The following GLIS3 variants were observed in gnomAD, a reference collection of about 807,000 sequenced individuals.
The protein encoded by GLIS3 is GLIS family zinc finger 3.
In GLIS3, 53 loss-of-function variants were observed where a neutral mutation model predicts 78.6. The observed-to-expected ratio is 0.67, with a 90% CI of 0.54 to 0.85. GLIS3 has a LOEUF of 0.85. Among genes scored for constraint, GLIS3 ranks in the 40% least tolerant of loss-of-function variants. The pLI, the probability that GLIS3 is intolerant of heterozygous loss-of-function variation, is 0.00. For synonymous variants in GLIS3, 684 were observed against 509.9 expected, an observed-to-expected ratio of 1.34 and a Z score of -4.60; for missense variants, 1,703 against 1,231.1, an observed-to-expected ratio of 1.38 and a Z score of -5.74.
chr9:3,881,093 G>A (rs1821698896), intron 7 of GLIS3, among the ~76,000 whole-genome samples: 1 of 152,128 alleles, frequency 6.6e-6, no homozygotes, highest in Non-Finnish European at 1.5e-5. Flanking sequence ...CTAGCTCAGG[G>A]AACCACAATT....
chr9:4,391,762 G>A, the GLIS3 span, among the ~76,000 whole-genome samples: 76 of 152,234 alleles, frequency 5.0e-4, no homozygotes, highest in African/African-American at 1.8e-3. Context: ...CCAGTACCTG[G>A]TACTGTTAAT....
intron 2 of GLIS3, among the ~76,000 whole-genome samples, chr9:4,255,560 C>T (rs765530991): frequency 4.6e-5 from 7 of 152,118 alleles, no homozygotes; most frequent in African/African-American, 1.2e-4. Flanking sequence ...CAAGCCATGA[C>T]AAGATATGTA....
chr9:4,378,119 A>C, the GLIS3 span, among the ~76,000 whole-genome samples: 1 of 152,174 alleles, frequency 6.6e-6, no homozygotes, highest in Non-Finnish European at 1.5e-5. Flanking sequence ...AGTAATATAC[A>C]AATGCTAATT....
chr9:4,259,638 G>A (rs1158462839), intron 2 of GLIS3, among the ~76,000 whole-genome samples: 1 of 152,112 alleles, frequency 6.6e-6, no homozygotes, highest in African/African-American at 2.4e-5. Flanking sequence ...TGCTTGCAAT[G>A]GTGTTATGCA....
At chr9:3,930,160 C>G (rs773036820) in intron 6 of GLIS3, among the ~76,000 whole-genome samples, 12 of 152,194 alleles carry the variant, frequency 7.9e-5, no homozygotes, top group Non-Finnish European at 1.6e-4. Context: ...TTTTTAAAAT[C>G]TTTGGATAAA....
Position 3,826,211 on chromosome 9 carries a change from G to A in GLIS3, c.*2061C>T, listed in dbSNP as rs1817717582. On this transcript the variant is annotated 3_prime_UTR_variant, in exon 11 of 11. Coordinates refer to ENST00000381971, the MANE Select transcript of GLIS3 (RefSeq NM_001042413.2). Reference sequence around the variant, plus strand: ...GTACAAATGAAATGAAATGTATTTTGAGTTCCTTGTAAAGGCTTCCATATT... The same window carrying A: ...GTACAAATGAAATGAAATGTATTTTAAGTTCCTTGTAAAGGCTTCCATATT... The A allele has an allele frequency of 6.6e-6, 1 of 152,098 alleles. No individual in the cohort carries two copies. Among genetic ancestry groups the A allele is most frequent in the African/African-American group, 2.4e-5 (1 of 41,406 alleles). The allele number at this position is 152,098 out of a possible 1,614,324, so 9.4% of individuals were successfully genotyped here.
chr9:3,864,852 G>A (rs1205290233), intron 8 of GLIS3, among the ~76,000 whole-genome samples: 8 of 152,198 alleles, frequency 5.3e-5, no homozygotes, highest in African/African-American at 1.2e-4. Flanking sequence ...CTACTGTTGC[G>A]TATCTCCAGC....
intron 2 of GLIS3, among the ~76,000 whole-genome samples, chr9:4,327,279 G>T (rs1018221653): frequency 1.3e-5 from 2 of 152,186 alleles, no homozygotes; most frequent in African/African-American, 4.8e-5. Flanking sequence ...ATGGCCAGAG[G>T]ACAGATGTCA....
At chr9:4,121,115 T>C (rs552959634) in intron 3 of GLIS3, among the ~76,000 whole-genome samples, 3 of 152,372 alleles carry the variant, frequency 2.0e-5, no homozygotes, top group South Asian at 4.1e-4. Flanking sequence ...CTCTCTTCTA[T>C]CTCAAACACC....
the GLIS3 span, among the ~76,000 whole-genome samples, chr9:4,453,357 A>AG: frequency 1.2e-4 from 17 of 146,708 alleles, no homozygotes; most frequent in Non-Finnish European, 1.9e-4. Flanking sequence ...AAAAAAAAAA[A>AG]AAAAAAAGAA....
chr9:4,404,987 GA>G, the GLIS3 span, among the ~76,000 whole-genome samples: 1 of 151,868 alleles, frequency 6.6e-6, no homozygotes, highest in African/African-American at 2.4e-5. Flanking sequence ...GAGTAACTAG[GA>G]AAAAAAGAGG....
At chr9:3,915,282 T>C (rs1393257985) in intron 6 of GLIS3, among the ~76,000 whole-genome samples, 1 of 152,004 alleles carries the variant, frequency 6.6e-6, no homozygotes, top group Non-Finnish European at 1.5e-5. Context: ...CAATCCCCTC[T>C]CAAAAAAACA....
At chr9:4,249,158 C>A (rs1824106682) in intron 2 of GLIS3, among the ~76,000 whole-genome samples, 1 of 152,018 alleles carries the variant, frequency 6.6e-6, no homozygotes, top group African/African-American at 2.4e-5. Context: ...TTTTCTAATT[C>A]TGTAAAGAAA....
chr9:3,892,526 T>C (rs903058983), intron 7 of GLIS3, among the ~76,000 whole-genome samples: 8 of 152,222 alleles, frequency 5.3e-5, no homozygotes, highest in Admixed American at 3.3e-4. Context: ...CTCTTATTAC[T>C]GTAAAATATG....
chr9:3,959,512 C>T (rs941845237), intron 4 of GLIS3, among the ~76,000 whole-genome samples: 1 of 152,136 alleles, frequency 6.6e-6, no homozygotes, highest in African/African-American at 2.4e-5. Context: ...AAAGAAACTC[C>T]AAATTCCTCT....
chr9:4,404,628 A>T, the GLIS3 span, among the ~76,000 whole-genome samples: 1 of 152,252 alleles, frequency 6.6e-6, no homozygotes, highest in Non-Finnish European at 1.5e-5. Flanking sequence ...CCTGTGAGTC[A>T]GTGAAGAAAT....
chr9:4,433,094 T>C, the GLIS3 span, among the ~76,000 whole-genome samples: 1 of 152,226 alleles, frequency 6.6e-6, no homozygotes, highest in African/African-American at 2.4e-5. Flanking sequence ...CAGAAAATAC[T>C]TCAGTTATCG....
At chr9:4,001,674 T>C (rs560949539) in intron 4 of GLIS3, among the ~76,000 whole-genome samples, 140 of 152,322 alleles carry the variant, frequency 9.2e-4, no homozygotes, top group African/African-American at 3.2e-3. Flanking sequence ...GCTTCAGGCA[T>C]CTAAGTAAGC....
the GLIS3 span, among the ~76,000 whole-genome samples, chr9:4,435,239 T>A: frequency 6.6e-6 from 1 of 152,158 alleles, no homozygotes; most frequent in Admixed American, 6.5e-5. Context: ...CTTTTCGCAC[T>A]CCCCAAATAT....
Sources: allele counts gnomAD v4.1 joint callset (sites outside exome capture counted in the v4.1 genomes callset), GRCh38; gene constraint gnomAD v4.1.1; transcripts MANE v1.5; gene names NCBI Gene and HGNC (gene_info 2026-07-23, HGNC 2026-07-21).